SLC37A1: variants seen among roughly 807,000 people sequenced by gnomAD.
The protein encoded by SLC37A1 is glucose-6-phosphate exchanger SLC37A1.
A neutral mutation model predicts 75.3 loss-of-function variants in SLC37A1; 49 were observed. That is an observed-to-expected ratio of 0.65 (90% CI 0.52 to 0.83). SLC37A1 has a LOEUF of 0.83. SLC37A1 is among the 40% of genes least tolerant of loss of function. SLC37A1 has a pLI of 0.00. For synonymous variants in SLC37A1, 268 were observed against 292.1 expected (o/e 0.92, Z 0.84); for missense variants, 566 against 695.0 (o/e 0.81, Z 2.09).
intron 3 of SLC37A1, among the ~76,000 whole-genome samples, chr21:42,528,201 A>G (rs888306345): frequency 1.3e-5 from 2 of 152,150 alleles, no homozygotes; most frequent in African/African-American, 4.8e-5. Flanking sequence ...ACTGCTGATT[A>G]ATTGTATTTT....
chr21:42,578,530 G>A (rs1330359471), intron 18 of SLC37A1, among the ~76,000 whole-genome samples: 1 of 152,208 alleles, frequency 6.6e-6, no homozygotes, highest in Non-Finnish European at 1.5e-5. Flanking sequence ...TAAGGTACCA[G>A]CTCAAACACA....
At chr21:42,575,598 C>A in intron 18 of SLC37A1, 1 of 985,406 alleles carries the variant, frequency 1.0e-6, no homozygotes, top group Non-Finnish European at 1.2e-6. Context: ...GTGAGGGGTG[C>A]ATACACATCT....
At position 42,518,393 on chromosome 21, in the gene SLC37A1, AAT is replaced by A. The variant is rs2054563726; in HGVS notation, c.-61_-60del. ...AGAGAGAGGATCTGGAGCCAGGATT[AAT>A]GACTCATTTATGAAGCATCTTATTC... On this transcript the variant is annotated 5_prime_UTR_variant, in exon 2 of 20. It removes an upstream start codon present in the reference 5' UTR. Transcript: ENST00000352133. 9 of 1,599,920 alleles carry A rather than the reference AAT, an allele frequency of 5.6e-6. No individual in the cohort carries two copies. In the Admixed American group the frequency reaches 1.5e-4, roughly 27 times the overall value.
Position 42,542,445 on chromosome 21 carries a change from C to A in SLC37A1, c.528C>A (p.Val176=), listed in dbSNP as rs767277607. ...GLVQTTGWPS[V]VTCLGNWFGK... is the part of the protein sequence containing the mutation. ...TGCAGACCACCGGCTGGCCCAGCGT[C>A]GTCACCTGCCTCGGCAACTGGTTTG... is the stretch of plus-strand genomic sequence containing the variant. Residue 176 remains valine (V), a synonymous_variant, in exon 7 of 20, where the codon GTC becomes GTA. Transcript: ENST00000352133. 2 of 1,613,842 alleles carry A rather than the reference C, an allele frequency of 1.2e-6. No individual in the cohort carries two copies. The highest frequency in any genetic ancestry group is 2.7e-5 in the African/African-American group (2 of 74,916).
rs752960331 is a variant in SLC37A1, at chr21:42,552,145, A to G, written c.769-1917A>G. ...TCTCTTTATGCTTCTGCCCTGTGCTATTGAAGAGCCATGGGAACTTGTTCT... is the reference window on the plus strand; with the variant it reads ...TCTCTTTATGCTTCTGCCCTGTGCTGTTGAAGAGCCATGGGAACTTGTTCT... On this transcript the variant is annotated intron_variant, in intron 9 of 19. Coordinates refer to ENST00000352133, the MANE Select transcript of SLC37A1 (RefSeq NM_001320537.2). This position sits in a 1 kb window ranked among gnomAD's most constrained non-coding sequence, Gnocchi z 4.2. Among the ~76,000 whole-genome samples, 2 of 152,166 alleles carry G rather than the reference A, an allele frequency of 1.3e-5. No individual in the cohort carries two copies. Among genetic ancestry groups the G allele is most frequent in the East Asian group, 3.8e-4 (2 of 5,198 alleles).
In SLC37A1 at chr21:42,530,654, A is replaced by ACACACACACACACACACACC. The variant is rs1161313598; in HGVS notation, c.139-4043_139-4042insACACACACACACACACACCC. The stretch of plus-strand genomic sequence containing the variant: ...CACACACACACACACACACACACAC[A>ACACACACACACACACACACC]CCCCCTCTGTGTTGGCTGAAGGTGG... On this transcript the variant is annotated intron_variant, in intron 3 of 19. Transcript: ENST00000352133. 1.8e-3 allele frequency among the ~76,000 whole-genome samples: 63 copies of ACACACACACACACACACACC among 35,896 alleles called. 1 individual carries two copies. The highest frequency in any genetic ancestry group is 2.5e-3 in the Non-Finnish European group (48 of 19,106). 23.5% of individuals were successfully genotyped at this position (35,896 alleles called of 152,430 possible).
upstream of SLC37A1, among the ~76,000 whole-genome samples, chr21:42,513,108 C>T (rs2054455840): frequency 6.6e-6 from 1 of 152,236 alleles, no homozygotes; most frequent in Non-Finnish European, 1.5e-5. Context: ...TGGGAGCCCC[C>T]TCTGCTCTGA....
At chr21:42,530,659 C>CCCCCCCCT (rs1034445660) in intron 3 of SLC37A1, among the ~76,000 whole-genome samples, 2 of 143,032 alleles carry the variant, frequency 1.4e-5, no homozygotes, top group East Asian at 2.0e-4. Flanking sequence ...CACACACCCC[C>CCCCCCCCT]TCTGTGTTGG....
At chr21:42,540,119 A>G (rs1004258430) in intron 6 of SLC37A1, among the ~76,000 whole-genome samples, 4 of 152,232 alleles carry the variant, frequency 2.6e-5, no homozygotes, top group Non-Finnish European at 5.9e-5. Flanking sequence ...CGAACAAAGC[A>G]CTAAATGCTG....
chr21:42,562,322 G>A (rs1337550163), intron 12 of SLC37A1, among the ~76,000 whole-genome samples, 154 bp downstream of exon 12: 1 of 152,192 alleles, frequency 6.6e-6, no homozygotes, highest in Non-Finnish European at 1.5e-5. Flanking sequence ...TGAAACATAG[G>A]CTAAAAGAAT....
chr21:42,547,324 T>C lies in SLC37A1; in HGVS notation c.768+184T>C. 1 of 631,654 alleles carries C rather than the reference T, an allele frequency of 1.6e-6. No homozygotes were observed. Among genetic ancestry groups the C allele is most frequent in the Non-Finnish European group, 2.8e-6 (1 of 359,860 alleles). 39.1% of individuals were successfully genotyped at this position (631,654 alleles called of 1,614,324 possible). A position where few individuals can be genotyped will look rare whatever the true frequency, so the allele number is the denominator to read the frequency against. ...TTTTGGGTTTCGCTGATAATAACCTTATCAGCAAAACCCAGACAAGAGGTT... is the reference window on the plus strand; with the variant it reads ...TTTTGGGTTTCGCTGATAATAACCTCATCAGCAAAACCCAGACAAGAGGTT... On this transcript the variant is annotated intron_variant, in intron 9 of 19. Coordinates refer to ENST00000352133, the MANE Select transcript of SLC37A1 (RefSeq NM_001320537.2). The surrounding 1 kb of genome is among the most constrained non-coding windows in gnomAD (Gnocchi z 6.1).
chr21:42,534,790 G>A lies in SLC37A1; in HGVS notation c.231G>A (p.Gln77=). 6.2e-7 allele frequency: 1 copy of A among 1,613,972 alleles called. No homozygotes were observed. Among genetic ancestry groups the A allele is most frequent in the South Asian group, 1.1e-5 (1 of 91,036 alleles). Residue 77 remains glutamine (Q), a synonymous_variant, in exon 4 of 20, where the codon CAG becomes CAA. Transcript: ENST00000352133. ...NRKSGSAAPH[Q]LPDNETDCGW... is the part of the protein sequence containing the mutation. ...AGTCTGGGTCCGCTGCCCCCCACCA[G>A]CTCCCTGACAATGAGACCGACTGTG...
rs2055311224 is a variant in SLC37A1, at chr21:42,542,595, T to C, written c.563+115T>C. On this transcript the variant is annotated intron_variant, in intron 7 of 19. Transcript: ENST00000352133. The stretch of plus-strand genomic sequence containing the variant: ...CTTTAGTATCCTCTTTAAAATAAGA[T>C]GGCTGAAACCTCTGGGGCTTGAATT... 3 of 1,003,174 alleles carry C rather than the reference T, an allele frequency of 3.0e-6. No homozygotes were observed. In the South Asian group the frequency reaches 4.6e-5, roughly 15 times the overall value. 62.1% of individuals were successfully genotyped at this position (1,003,174 alleles called of 1,614,324 possible). A position where few individuals can be genotyped will look rare whatever the true frequency, so the allele number is the denominator to read the frequency against.
intron 11 of SLC37A1, among the ~76,000 whole-genome samples, chr21:42,560,867 A>G (rs1039957733): frequency 6.6e-6 from 1 of 152,250 alleles, no homozygotes; most frequent in Non-Finnish European, 1.5e-5. Context: ...ACAGGTTTTT[A>G]TATAGTGGAG....
chr21:42,536,066 T>A (rs970699271), intron 5 of SLC37A1, among the ~76,000 whole-genome samples: 1 of 152,162 alleles, frequency 6.6e-6, no homozygotes, highest in Non-Finnish European at 1.5e-5. Flanking sequence ...CAGCCATGCA[T>A]GGCGGGTGGG....
rs547665124 is a variant in SLC37A1, at chr21:42,547,285, T to C, written c.768+145T>C. The C allele has an allele frequency of 1.2e-6, 1 of 853,060 alleles. No individual in the cohort carries two copies. The highest frequency in any genetic ancestry group is 1.9e-6 in the Non-Finnish European group (1 of 524,254). 52.8% of individuals were successfully genotyped at this position (853,060 alleles called of 1,614,324 possible). ...CTCAAAACATTGGCAGTTCTAGGAA[T>C]AGAGAATATTCTGTTTTGGGTTTCG... On this transcript the variant is annotated intron_variant, in intron 9 of 19. Transcript: ENST00000352133. The surrounding 1 kb of genome is among the most constrained non-coding windows in gnomAD (Gnocchi z 6.1).
chr21:42,513,303 T>A (rs2146688156), upstream of SLC37A1, among the ~76,000 whole-genome samples: 1 of 152,376 alleles, frequency 6.6e-6, no homozygotes, highest in East Asian at 1.9e-4. Context: ...GAGCTGCCTC[T>A]GTCACGTGCC....
intron 19 of SLC37A1, 146 bp from the exon 20 acceptor site, chr21:42,580,199 C>T: frequency 1.1e-6 from 1 of 903,722 alleles, no homozygotes. Flanking sequence ...ATCCAGCATC[C>T]AGCACCCCTG....
intron 14 of SLC37A1, 84 bp from the exon 15 acceptor site, chr21:42,565,743 C>T (rs182946261): frequency 1.8e-5 from 23 of 1,308,662 alleles, no homozygotes; most frequent in East Asian, 1.6e-4. Flanking sequence ...AATCACCCGC[C>T]GGGTTTTTGA....
Sources: allele counts gnomAD v4.1 joint callset (sites outside exome capture counted in the v4.1 genomes callset), GRCh38; gene constraint gnomAD v4.1.1; non-coding constraint Gnocchi (gnomAD v3.1); transcripts MANE v1.5; gene names NCBI Gene and HGNC (gene_info 2026-07-23, HGNC 2026-07-21).